COL26A1: variants seen among roughly 807,000 people sequenced by gnomAD.
COL26A1 encodes collagen type XXVI alpha 1 chain.
COL26A1 carries 41 observed loss-of-function variants against 59.3 expected under a neutral mutation model. The ratio of observed to expected loss-of-function variants is 0.69; its 90% CI spans 0.54 to 0.90. COL26A1 has a LOEUF of 0.90. Among genes scored for constraint, COL26A1 ranks in the 40% least tolerant of loss-of-function variants. The pLI is 0.00. For missense variants in COL26A1, 612 were observed against 602.3 expected (o/e 1.02, Z -0.17); for synonymous variants, 266 against 256.0 (o/e 1.04, Z -0.37).
At chr7:101,439,466 A>G (rs1478249072) in intron 2 of COL26A1, among the ~76,000 whole-genome samples, 5 of 149,202 alleles carry the variant, frequency 3.4e-5, no homozygotes, top group Non-Finnish European at 7.4e-5. Flanking sequence ...AGGCAGGAGA[A>G]TCACTTGAAC....
At position 101,558,838 on chromosome 7, in the gene COL26A1, T is replaced by G. The variant is rs553392356; in HGVS notation, c.*1308T>G. 1 of 152,334 alleles carries G rather than the reference T, an allele frequency of 6.6e-6. No homozygotes were observed. The highest frequency in any genetic ancestry group is 2.4e-5 in the African/African-American group (1 of 41,568). The allele number at this position is 152,334 out of a possible 1,614,324, so 9.4% of individuals were successfully genotyped here. A position where few individuals can be genotyped will look rare whatever the true frequency, so the allele number is the denominator to read the frequency against. On this transcript the variant is annotated 3_prime_UTR_variant, in exon 13 of 13. Transcript: ENST00000313669. Reference sequence around the variant, plus strand: ...TCTGTCTTCACAGCAGGAGTGACTGTCTCCAGTGCTCTTGGTACTCCTGTT... The same window carrying G: ...TCTGTCTTCACAGCAGGAGTGACTGGCTCCAGTGCTCTTGGTACTCCTGTT...
upstream of COL26A1, among the ~76,000 whole-genome samples, chr7:101,362,439 C>T (rs56146311): frequency 0.063 from 9,652 of 152,228 alleles, 326 homozygotes; most frequent in African/African-American, 0.092. Context: ...TGGTCAGTTT[C>T]TCACGGGAAC....
chr7:101,548,846 G>T (rs57603158), intron 8 of COL26A1, among the ~76,000 whole-genome samples: 28,987 of 152,056 alleles, frequency 0.19, 3,066 homozygotes, highest in African/African-American at 0.29. Context: ...CCGGAGAGAC[G>T]TACCAGGGGA....
Position 101,544,320 on chromosome 7 carries a change from C to T in COL26A1, c.703+224C>T, listed in dbSNP as rs181977708. On this transcript the variant is annotated intron_variant, in intron 6 of 12. Coordinates refer to ENST00000313669, the MANE Select transcript of COL26A1 (RefSeq NM_001278563.3). ...TCGGCTCATTGCCACCTCTGCCTCC[C>T]GGGTTCAAGCAATTCTCCTGCCTCA... 1.1e-4 allele frequency among the ~76,000 whole-genome samples: 17 copies of T among 152,212 alleles called. 1 individual carries two copies. The highest frequency in any genetic ancestry group is 5.9e-4 in the Admixed American group (9 of 15,282).
intron 4 of COL26A1, among the ~76,000 whole-genome samples, chr7:101,536,769 G>C (rs1438433403): frequency 1.3e-5 from 2 of 152,252 alleles, no homozygotes; most frequent in African/African-American, 4.8e-5. Flanking sequence ...CAGGAGCAGA[G>C]GTGGTCTCGG....
chr7:101,464,497 T>C (rs1395364687), intron 3 of COL26A1, among the ~76,000 whole-genome samples: 1 of 151,870 alleles, frequency 6.6e-6, no homozygotes, highest in Non-Finnish European at 1.5e-5. Context: ...ACCACAACTC[T>C]GCCTCCCGGG....
At chr7:101,395,875 G>T (rs915248549) in intron 1 of COL26A1, among the ~76,000 whole-genome samples, 7 of 152,158 alleles carry the variant, frequency 4.6e-5, no homozygotes, top group Admixed American at 3.9e-4. Context: ...GGGTTGTCGA[G>T]GGTCTCAGCC....
intron 5 of COL26A1, among the ~76,000 whole-genome samples, chr7:101,543,632 C>G (rs533685015): frequency 6.6e-6 from 1 of 152,112 alleles, no homozygotes; most frequent in Non-Finnish European, 1.5e-5. Flanking sequence ...GCCACAAGCC[C>G]GGTTCTTGAC....
At chr7:101,466,423 C>T (rs944434596) in intron 3 of COL26A1, among the ~76,000 whole-genome samples, 6 of 152,040 alleles carry the variant, frequency 3.9e-5, no homozygotes, top group African/African-American at 7.2e-5. Flanking sequence ...ATTGATTAGC[C>T]GGGCACAGTG....
At chr7:101,410,782 C>A (rs1041863233) in intron 1 of COL26A1, among the ~76,000 whole-genome samples, 17 of 152,132 alleles carry the variant, frequency 1.1e-4, no homozygotes, top group African/African-American at 4.1e-4. Flanking sequence ...ATTACAACCT[C>A]TGCCTCCTAG....
At chr7:101,367,631 C>T (rs905822812) in intron 1 of COL26A1, among the ~76,000 whole-genome samples, 1 of 150,526 alleles carries the variant, frequency 6.6e-6, no homozygotes, top group Admixed American at 6.6e-5. Flanking sequence ...TGCCACTGCA[C>T]TCCAGCCTGG....
chr7:101,492,746 A>ATAAT (rs1446763428), intron 3 of COL26A1, among the ~76,000 whole-genome samples: 1 of 131,538 alleles, frequency 7.6e-6, no homozygotes, highest in Non-Finnish European at 1.6e-5. Flanking sequence ...AAATAAATAA[A>ATAAT]TAATAAAAAT....
At chr7:101,385,227 C>CTATATATATATAT (rs1375842083) in intron 1 of COL26A1, among the ~76,000 whole-genome samples, 2 of 139,370 alleles carry the variant, frequency 1.4e-5, no homozygotes, top group African/African-American at 5.3e-5. Context: ...CACACACACA[C>CTATATATATATAT]ACACTATATA....
At chr7:101,449,279 A>C (rs1793273586) in intron 3 of COL26A1, among the ~76,000 whole-genome samples, 2 of 152,180 alleles carry the variant, frequency 1.3e-5, no homozygotes, top group Non-Finnish European at 2.9e-5. Flanking sequence ...TGGAGGCCTG[A>C]GCCCTTCAAT....
chr7:101,364,036 G>A (rs998191560), intron 1 of COL26A1, among the ~76,000 whole-genome samples: 6 of 152,082 alleles, frequency 3.9e-5, no homozygotes, highest in Non-Finnish European at 7.4e-5. Context: ...GCTCCGTGGC[G>A]GGGTTGGAGA....
At chr7:101,534,905 TG>T (rs1484853388) in intron 4 of COL26A1, among the ~76,000 whole-genome samples, 2 of 152,058 alleles carry the variant, frequency 1.3e-5, no homozygotes, top group African/African-American at 4.8e-5. Flanking sequence ...GAGATGGCAG[TG>T]GGAACCGGCT....
chr7:101,436,555 G>A (rs999344837), intron 2 of COL26A1, among the ~76,000 whole-genome samples: 4 of 152,010 alleles, frequency 2.6e-5, no homozygotes, highest in Admixed American at 1.3e-4. Flanking sequence ...GTCATTCTGA[G>A]CAGGCGATCC....
chr7:101,547,138 G>C lies in COL26A1; in HGVS notation c.857-18G>C. ...GGTCTGCCCCACCAGACCCCTGGCC[G>C]CTCCGCTCTTCCCACAGATGGAGAC... On this transcript the variant is annotated intron_variant, in intron 7 of 12. Transcript: ENST00000313669. 6.4e-7 allele frequency: 1 copy of C among 1,564,634 alleles called. No homozygotes were observed. The highest frequency in any genetic ancestry group is 1.2e-5 in the South Asian group (1 of 84,568).
At chr7:101,489,674 T>G (rs1584455265) in intron 3 of COL26A1, among the ~76,000 whole-genome samples, 2 of 48,522 alleles carry the variant, frequency 4.1e-5, no homozygotes, top group Admixed American at 1.9e-4. Context: ...CCTTCCTTCC[T>G]TCCTTCCTTT....
Sources: allele counts gnomAD v4.1 joint callset (sites outside exome capture counted in the v4.1 genomes callset), GRCh38; gene constraint gnomAD v4.1.1; transcripts MANE v1.5; gene names NCBI Gene and HGNC (gene_info 2026-07-23, HGNC 2026-07-21).